AP3M2: variants seen among roughly 807,000 people sequenced by gnomAD.
The protein encoded by AP3M2 is AP-3 complex subunit mu-2.
In AP3M2, 28 loss-of-function variants were observed where a neutral mutation model predicts 41.6. The observed-to-expected ratio is 0.67, with a 90% CI of 0.50 to 0.92. AP3M2 has a LOEUF of 0.92. AP3M2 is among the 40% of genes least tolerant of loss of function. The pLI is 0.00. For missense variants in AP3M2, 427 were observed against 521.4 expected, an observed-to-expected ratio of 0.82 and a Z score of 1.76; for synonymous variants, 193 against 186.4, an observed-to-expected ratio of 1.04 and a Z score of -0.29.
intron 3 of AP3M2, among the ~76,000 whole-genome samples, chr8:42,159,419 T>C (rs1804446352): frequency 6.6e-6 from 1 of 152,266 alleles, no homozygotes; most frequent in African/African-American, 2.4e-5. Context: ...CATTGGCAAT[T>C]TGATAGTTTA....
At chr8:42,168,082 T>A in intron 8 of AP3M2, 1 of 557,524 alleles carries the variant, frequency 1.8e-6, no homozygotes, top group Non-Finnish European at 3.3e-6. Flanking sequence ...ACTAGCCATT[T>A]TTGGATCATC....
chr8:42,163,432 A>G (rs567374165), intron 4 of AP3M2, among the ~76,000 whole-genome samples: 14 of 152,364 alleles, frequency 9.2e-5, no homozygotes, highest in South Asian at 8.3e-4. Context: ...GACATAGTCT[A>G]TGGCTGCAGA....
At position 42,169,067 on chromosome 8, in the gene AP3M2, G is replaced by A. The variant is rs1000635156; in HGVS notation, c.*6G>A. The A allele has an allele frequency of 6.3e-7, 1 of 1,597,814 alleles. No homozygotes were observed. ...AGTTCCAAGTTCGAACCTGAAGGGA[G>A]CATTTGCTGAGGGAATAGTCTTGCA... On this transcript the variant is annotated 3_prime_UTR_variant, in exon 9 of 9. Transcript: ENST00000396926.
chr8:42,167,337 C>T lies in AP3M2; in HGVS notation c.977C>T (p.Ser326Leu), dbSNP rs1804668238. ...GTCCTGAACATGAGCCTTACTCCATCACAGGGGACACACACATTCGACCCA... is the reference window on the plus strand; with the variant it reads ...GTCCTGAACATGAGCCTTACTCCATTACAGGGGACACACACATTCGACCCA... ...KGVLNMSLTP[S>L]QGTHTFDPVT... The change falls in exon 7 of 9, where the codon TCA becomes TTA. Residue 326 changes from serine to leucine, a missense_variant. Physicochemically the swap from Ser to Leu is moderately radical, Grantham distance 145 (BLOSUM62 -2). This residue lies in a region of AP3M2 where 237 missense variants were observed against 284.9 expected (regional missense o/e 0.83). Transcript: ENST00000396926. 2 of 1,614,198 alleles carry T rather than the reference C, an allele frequency of 1.2e-6. No individual in the cohort carries two copies. The highest frequency in any genetic ancestry group is 1.7e-6 in the Non-Finnish European group (2 of 1,180,032).
At chr8:42,167,417 C>G (rs762177825) in intron 7 of AP3M2, 46 bp downstream of exon 7, 4 of 1,600,558 alleles carry the variant, frequency 2.5e-6, no homozygotes, top group Non-Finnish European at 3.4e-6. Flanking sequence ...TAAGCAGAAA[C>G]CAGTCTGCAG....
chr8:42,168,295 G>T (rs1564119843), intron 8 of AP3M2: 1 of 446,722 alleles, frequency 2.2e-6, no homozygotes. Context: ...GTAGTCATCA[G>T]TTACCACTTT....
At position 42,153,123 on chromosome 8, in the gene AP3M2, C is replaced by T. The variant is rs1027542799; in HGVS notation, c.-73+18C>T. 1 of 150,512 alleles carries T rather than the reference C, an allele frequency of 6.6e-6. No individual in the cohort carries two copies. Among genetic ancestry groups the T allele is most frequent in the Non-Finnish European group, 1.5e-5 (1 of 67,370 alleles). The allele number at this position is 150,512 out of a possible 1,614,324, so 9.3% of individuals were successfully genotyped here. A position where few individuals can be genotyped will look rare whatever the true frequency, so the allele number is the denominator to read the frequency against. ...AAGGCCAGGTGAGGAGTAGGGACGA[C>T]CCCGAGCCTGGAGAGGGGGCAGGAG... On this transcript the variant is annotated intron_variant, in intron 1 of 8. Coordinates refer to ENST00000396926, the MANE Select transcript of AP3M2 (RefSeq NM_006803.4).
rs185588438 is a variant in AP3M2 at position 42,159,486 on chromosome 8, A to G, written c.445+1374A>G. Among the ~76,000 whole-genome samples, 101 of 152,348 alleles carry G rather than the reference A, an allele frequency of 6.6e-4. 1 individual carries two copies. In the East Asian group the frequency reaches 0.017, roughly 26 times the overall value. On this transcript the variant is annotated intron_variant, in intron 3 of 8. Transcript: ENST00000396926. ...TATTAAGGAGACTAAAATCTTTTCA[A>G]GTATTTATTGACTGTTTTTCCTCTA...
rs115984956 is a variant in AP3M2, at chr8:42,162,690, A to G, written c.583+272A>G. ...CCAGATGTAGTGACTCACGCCTGTA[A>G]TCCCAGCACTTTGGAAAGCTGAGGC... On this transcript the variant is annotated intron_variant, in intron 4 of 8. Transcript: ENST00000396926. 8.4e-3 allele frequency among the ~76,000 whole-genome samples: 1,273 copies of G among 152,232 alleles called. 19 individuals are homozygous for G. Among genetic ancestry groups the G allele is most frequent in the African/African-American group, 0.028 (1,144 of 41,536 alleles).
Position 42,169,405 on chromosome 8 carries a change from T to G in AP3M2, c.*344T>G, listed in dbSNP as rs1804733381. 1 of 173,556 alleles carries G rather than the reference T, an allele frequency of 5.8e-6. No homozygotes were observed. The highest frequency in any genetic ancestry group is 1.2e-5 in the Non-Finnish European group (1 of 82,540). 10.8% of individuals were successfully genotyped at this position (173,556 alleles called of 1,614,324 possible). ...TAATTATCTAAAGCCAATGAAAGAC[T>G]TCTTTGTTGATTTTTTAAGATAGAA... is the stretch of plus-strand genomic sequence containing the variant. On this transcript the variant is annotated 3_prime_UTR_variant, in exon 9 of 9. Coordinates refer to ENST00000396926, the MANE Select transcript of AP3M2 (RefSeq NM_006803.4).
At position 42,154,767 on chromosome 8, in the gene AP3M2, C is replaced by A; in HGVS notation, c.80C>A (p.Ser27Tyr). The change falls in exon 2 of 9, where the codon TCT becomes TAT. Residue 27 changes from serine (S) to tyrosine (Y), a missense_variant. Ser to Tyr is a moderately radical substitution (Grantham distance 144, BLOSUM62 -2). Around this residue, in one of 3 missense-constraint regions of AP3M2, gnomAD observed 104 missense variants for 93.8 expected, o/e 1.11. Coordinates refer to ENST00000396926, the MANE Select transcript of AP3M2 (RefSeq NM_006803.4). The stretch of plus-strand genomic sequence containing the variant: ...CATTGGAAAAGTGTGGTCAGCCGTT[C>A]TGTTTGTGATTACTTTTTTGAGGCG... ...EKHWKSVVSR[S>Y]VCDYFFEAQE... 6.2e-7 allele frequency: 1 copy of A among 1,614,166 alleles called. No individual in the cohort carries two copies. The highest frequency in any genetic ancestry group is 8.5e-7 in the Non-Finnish European group (1 of 1,180,042).
chr8:42,165,595 G>A, intron 6 of AP3M2, 35 bp downstream of exon 6: 2 of 1,608,090 alleles, frequency 1.2e-6, no homozygotes, highest in South Asian at 1.1e-5. Context: ...TGGAATCCGT[G>A]TATGTACATG....
chr8:42,157,881 T>TA, intron 2 of AP3M2, 60 bp from the exon 3 acceptor site: 4 of 1,449,828 alleles, frequency 2.8e-6, no homozygotes, highest in Non-Finnish European at 3.8e-6. Context: ...CACATTCTTT[T>TA]ATTTATTTAT....
At chr8:42,167,530 A>G (rs1294076843) in intron 7 of AP3M2, 136 bp from the exon 8 acceptor site, 9 of 1,374,622 alleles carry the variant, frequency 6.5e-6, no homozygotes, top group African/African-American at 1.5e-5. Context: ...AGGATTCTCA[A>G]TGGAAAGATA....
At position 42,169,369 on chromosome 8, in the gene AP3M2, T is replaced by C. The variant is rs1304808777; in HGVS notation, c.*308T>C. ...TAGGAAAGACCAACATTTGTTTAGC[T>C]TGCTTGGCTTTAATTATCTAAAGCC... is the stretch of plus-strand genomic sequence containing the variant. On this transcript the variant is annotated 3_prime_UTR_variant, in exon 9 of 9. Coordinates refer to ENST00000396926, the MANE Select transcript of AP3M2 (RefSeq NM_006803.4). 4 of 211,984 alleles carry C rather than the reference T, an allele frequency of 1.9e-5. No homozygotes were observed. The highest frequency in any genetic ancestry group is 3.7e-5 in the Non-Finnish European group (4 of 107,902). The allele number at this position is 211,984 out of a possible 1,614,324, so 13.1% of individuals were successfully genotyped here.
At chr8:42,168,206 A>G (rs900550080) in intron 8 of AP3M2, 23 of 460,224 alleles carry the variant, frequency 5.0e-5, no homozygotes, top group Admixed American at 3.5e-4. Flanking sequence ...GAAGACTTTC[A>G]TGTTTGCTCT....
chr8:42,153,858 T>C (rs1013457375), intron 1 of AP3M2: 2 of 152,088 alleles, frequency 1.3e-5, no homozygotes, highest in Admixed American at 1.3e-4. Flanking sequence ...TAGCTCTGAT[T>C]GGATGAATAA....
chr8:42,164,805 A>G (rs1326107279), intron 4 of AP3M2, among the ~76,000 whole-genome samples: 1 of 152,228 alleles, frequency 6.6e-6, no homozygotes. Flanking sequence ...GCTAATAACT[A>G]CTTCATTAAT....
chr8:42,167,273 A>G lies in AP3M2; in HGVS notation c.913A>G (p.Ile305Val), dbSNP rs770429078. The G allele has an allele frequency of 1.8e-5, 29 of 1,614,034 alleles. No individual in the cohort carries two copies. Among genetic ancestry groups the G allele is most frequent in the Non-Finnish European group, 2.3e-5 (27 of 1,180,028 alleles). Residue 305 changes from isoleucine to valine, a missense_variant, in exon 7 of 9, where the codon ATT (isoleucine) becomes GTT (valine). Physicochemically the swap from Ile to Val is conservative, Grantham distance 29. Coordinates refer to ENST00000396926, the MANE Select transcript of AP3M2 (RefSeq NM_006803.4). ...VGPKQTMGKT[I>V]EGVTVTSQMP... is the part of the protein sequence containing the mutation. ...ACCCAAGCAGACGATGGGGAAGACC[A>G]TTGAGGGAGTGACTGTCACCAGCCA... is the stretch of plus-strand genomic sequence containing the variant.
Sources: allele counts gnomAD v4.1 joint callset (sites outside exome capture counted in the v4.1 genomes callset), GRCh38; gene constraint gnomAD v4.1.1; regional missense constraint gnomAD v4.1.1; transcripts MANE v1.5; gene names NCBI Gene and HGNC (gene_info 2026-07-23, HGNC 2026-07-21).